GARNL3: variants seen among roughly 807,000 people sequenced by gnomAD.
GARNL3 encodes the protein GTPase activating Rap/RanGAP domain like 3.
A neutral mutation model predicts 125.0 loss-of-function variants in GARNL3; 63 were observed. The ratio of observed to expected loss-of-function variants is 0.50; its 90% CI spans 0.41 to 0.62. The LOEUF (loss-of-function observed/expected upper bound fraction) is 0.62, where lower values mean the gene tolerates loss of function less well. Among genes scored for constraint, GARNL3 ranks in the 20% least tolerant of loss-of-function variants. GARNL3 has a pLI of 0.00. For missense variants in GARNL3, 994 were observed against 1,244.0 expected (o/e 0.80, Z 3.02); for synonymous variants, 439 against 457.5 (o/e 0.96, Z 0.52).
chr9:127,269,975 A>G (rs771346416), intron 1 of GARNL3, among the ~76,000 whole-genome samples: 30 of 152,168 alleles, frequency 2.0e-4, no homozygotes, highest in African/African-American at 3.1e-4. Context: ...TTTGTTGTCT[A>G]TGCTTTTGGT....
rs1379134744 is a variant in GARNL3 at position 127,383,533 on chromosome 9, C to T, written c.2257C>T (p.Pro753Ser). The T allele has an allele frequency of 1.9e-6, 3 of 1,609,410 alleles. No individual in the cohort carries two copies. Among genetic ancestry groups the T allele is most frequent in the African/African-American group, 2.7e-5 (2 of 74,682 alleles). The stretch of plus-strand genomic sequence containing the variant: ...TTTCCAGTTCTGTTGGAACCAGGCT[C>T]CCTATGCAATTGGTAAGAAAAGTCT... ...SDFQFCWNQA[P>S]YAIVCAFPYL... The change falls in exon 23 of 28, where the codon CCC becomes TCC. Residue 753 changes from proline (P) to serine (S), a missense_variant. Pro to Ser is a moderately conservative substitution (Grantham distance 74). This residue lies in a region of GARNL3 where 728 missense variants were observed against 865.7 expected (regional missense o/e 0.84). Transcript: ENST00000373387.
chr9:127,354,310 C>T lies in GARNL3; in HGVS notation c.1659C>T (p.Leu553=). ...TGTCACCAGGAAAAGATGCTCGCCTCTTTGTCTTCAGGCTAAGTGCTCTGC... is the reference window on the plus strand; with the variant it reads ...TGTCACCAGGAAAAGATGCTCGCCTTTTTGTCTTCAGGCTAAGTGCTCTGC... The part of the protein sequence containing the change: ...LRADKGKDAR[L]FVFRLSALQK... Residue 553 remains leucine (L), a synonymous_variant, in exon 19 of 28, where the codon CTC becomes CTT. Transcript: ENST00000373387. 6.2e-7 allele frequency: 1 copy of T among 1,613,520 alleles called. No homozygotes were observed. The highest frequency in any genetic ancestry group is 8.5e-7 in the Non-Finnish European group (1 of 1,179,632).
At chr9:127,264,659 AG>A, upstream of GARNL3, 1 of 1,181,854 alleles carries the variant, frequency 8.5e-7, no homozygotes, top group Non-Finnish European at 1.0e-6. Flanking sequence ...ATAAACCACC[AG>A]TAACCTTGGA....
upstream of GARNL3, among the ~76,000 whole-genome samples, chr9:127,260,427 A>G (rs114487501): frequency 3.4e-3 from 520 of 152,360 alleles, 6 homozygotes; most frequent in African/African-American, 0.012. Context: ...CTCAGACTCT[A>G]AAGTCTGAGG....
chr9:127,328,294 C>A (rs553865932), intron 7 of GARNL3, among the ~76,000 whole-genome samples: 1 of 152,256 alleles, frequency 6.6e-6, no homozygotes, highest in East Asian at 1.9e-4. Flanking sequence ...TGGCCATGAT[C>A]CTCCAGAGCT....
intron 1 of GARNL3, among the ~76,000 whole-genome samples, chr9:127,226,617 T>C (rs1242062118): frequency 6.6e-6 from 1 of 152,220 alleles, no homozygotes; most frequent in African/African-American, 2.4e-5. Context: ...TAGAATTTTC[T>C]TTCCTTTCCT....
intron 2 of GARNL3, among the ~76,000 whole-genome samples, chr9:127,310,622 A>C (rs933791737): frequency 2.0e-5 from 3 of 152,060 alleles, no homozygotes; most frequent in African/African-American, 7.2e-5. Flanking sequence ...AAAAATACAA[A>C]AATTAGCCGG....
chr9:127,294,999 C>T (rs957888440), intron 2 of GARNL3, among the ~76,000 whole-genome samples: 2 of 152,308 alleles, frequency 1.3e-5, no homozygotes, highest in Admixed American at 6.5e-5. Context: ...CCCTTATCAG[C>T]GACAGCCAGT....
intron 3 of GARNL3, among the ~76,000 whole-genome samples, chr9:127,312,277 G>A (rs983346489): frequency 1.3e-5 from 2 of 152,280 alleles, no homozygotes; most frequent in East Asian, 3.9e-4. Context: ...CTCATGATAT[G>A]GGTTTGGATC....
At chr9:127,250,736 T>TC (rs2063387586) in intron 2 of GARNL3, among the ~76,000 whole-genome samples, 1 of 152,102 alleles carries the variant, frequency 6.6e-6, no homozygotes, top group South Asian at 2.1e-4. Flanking sequence ...ATGTGGATCT[T>TC]CATCATTCAA....
intron 8 of GARNL3, among the ~76,000 whole-genome samples, chr9:127,332,574 T>C (rs1829321622): frequency 1.3e-5 from 2 of 152,162 alleles, no homozygotes; most frequent in South Asian, 4.1e-4. Context: ...TTCCGGGCAC[T>C]GGAGAGACAG....
chr9:127,368,347 T>C (rs112576552), intron 22 of GARNL3, among the ~76,000 whole-genome samples: 4 of 140,078 alleles, frequency 2.9e-5, no homozygotes, highest in Non-Finnish European at 6.4e-5. Context: ...TTTTTTTTTT[T>C]CCAGATAGAG....
chr9:127,302,715 C>T (rs2064837647), intron 2 of GARNL3, among the ~76,000 whole-genome samples: 1 of 152,138 alleles, frequency 6.6e-6, no homozygotes, highest in Non-Finnish European at 1.5e-5. Context: ...AGCTGGAGGA[C>T]CTTAACTTTC....
In GARNL3 at chr9:127,393,341, G is replaced by A. The variant is rs1420450810; in HGVS notation, c.*87G>A. The A allele has an allele frequency of 3.0e-6, 4 of 1,320,010 alleles. No individual in the cohort carries two copies. The highest frequency in any genetic ancestry group is 2.4e-5 in the East Asian group (1 of 42,530). The allele number at this position is 1,320,010 out of a possible 1,614,324, so 81.8% of individuals were successfully genotyped here. A position where few individuals can be genotyped will look rare whatever the true frequency, so the allele number is the denominator to read the frequency against. Reference sequence around the variant, plus strand: ...TTCTGATGTAATTTCTCAACAAAATGTGGCTTTTAGCCTGTCAGTGATCTA... The same window carrying A: ...TTCTGATGTAATTTCTCAACAAAATATGGCTTTTAGCCTGTCAGTGATCTA... On this transcript the variant is annotated 3_prime_UTR_variant, in exon 28 of 28. Coordinates refer to ENST00000373387, the MANE Select transcript of GARNL3 (RefSeq NM_032293.5).
chr9:127,225,971 C>G (rs973439049), intron 1 of GARNL3, among the ~76,000 whole-genome samples: 15 of 152,320 alleles, frequency 9.8e-5, no homozygotes, highest in Admixed American at 6.5e-4. Context: ...CCCTGGCAGT[C>G]CCTGAACTTG....
At chr9:127,376,568 T>C (rs544808843) in intron 22 of GARNL3, among the ~76,000 whole-genome samples, 2 of 151,862 alleles carry the variant, frequency 1.3e-5, no homozygotes, top group Admixed American at 6.6e-5. Context: ...CTTATAATTA[T>C]AGTGGACAGC....
intron 22 of GARNL3, among the ~76,000 whole-genome samples, chr9:127,369,684 G>A (rs371768227): frequency 1.3e-5 from 2 of 152,262 alleles, no homozygotes; most frequent in South Asian, 4.1e-4. Context: ...CACAGGGGTT[G>A]TGAGGCGGTG....
intron 4 of GARNL3, among the ~76,000 whole-genome samples, chr9:127,315,697 A>C (rs2065222820): frequency 6.6e-6 from 1 of 152,074 alleles, no homozygotes; most frequent in African/African-American, 2.4e-5. Flanking sequence ...ATATAACTCT[A>C]CTCTACACAG....
At chr9:127,251,494 T>A (rs551125197) in intron 2 of GARNL3, among the ~76,000 whole-genome samples, 8 of 152,198 alleles carry the variant, frequency 5.3e-5, no homozygotes, top group Non-Finnish European at 1.0e-4. Flanking sequence ...AGTTTGACCT[T>A]AAAAGCACAG....
Sources: allele counts gnomAD v4.1 joint callset (sites outside exome capture counted in the v4.1 genomes callset), GRCh38; gene constraint gnomAD v4.1.1; regional missense constraint gnomAD v4.1.1; transcripts MANE v1.5; gene names NCBI Gene and HGNC (gene_info 2026-07-23, HGNC 2026-07-21).